Variants in SH3BGR observed in about 807,000 individuals in gnomAD.
SH3BGR encodes the protein SH3 domain binding glutamate rich protein.
In SH3BGR, 29 loss-of-function variants were observed where a neutral mutation model predicts 24.5. The observed-to-expected ratio is 1.18, with a 90% CI of 0.88 to 1.61. The LOEUF (loss-of-function observed/expected upper bound fraction) is 1.61, where lower values mean the gene tolerates loss of function less well. Among genes scored for constraint, SH3BGR ranks in the 40% most tolerant of loss-of-function variants. The pLI, the probability that SH3BGR is intolerant of heterozygous loss-of-function variation, is 0.00. For missense variants in SH3BGR, 162 were observed against 205.8 expected, an observed-to-expected ratio of 0.79 and a Z score of 1.30; for synonymous variants, 55 against 65.7, an observed-to-expected ratio of 0.84 and a Z score of 0.79.
chr21:39,501,471 C>A (rs962486012), intron 4 of SH3BGR, among the ~76,000 whole-genome samples: 7 of 152,112 alleles, frequency 4.6e-5, no homozygotes, highest in African/African-American at 9.7e-5. Context: ...ATTAAAAAAA[C>A]CATTTTTTGT....
intron 1 of SH3BGR, among the ~76,000 whole-genome samples, chr21:39,461,135 A>ATTTTT (rs56088801): frequency 1.6e-5 from 2 of 127,024 alleles, no homozygotes; most frequent in Non-Finnish European, 1.7e-5. Flanking sequence ...AGTTTTGTAG[A>ATTTTT]TTTTTTTTTT....
At chr21:39,478,498 G>C (rs1722873) in intron 3 of SH3BGR, among the ~76,000 whole-genome samples, 134,753 of 152,280 alleles carry the variant, frequency 0.88, 59,651 homozygotes, top group Non-Finnish European at 0.89. Context: ...TGAGGTAGCT[G>C]GTAGAGGTCT....
At chr21:39,483,616 T>G (rs1325572653) in intron 3 of SH3BGR, among the ~76,000 whole-genome samples, 1 of 152,206 alleles carries the variant, frequency 6.6e-6, no homozygotes, top group African/African-American at 2.4e-5. Flanking sequence ...ATTTTTAACG[T>G]TTTCCCAGCT....
intron 4 of SH3BGR, among the ~76,000 whole-genome samples, chr21:39,507,555 A>G (rs2078604358): frequency 6.6e-6 from 1 of 151,814 alleles, no homozygotes. Context: ...CTGGTCTCAA[A>G]CTCCTGATCT....
At chr21:39,472,032 C>T (rs991670310) in intron 2 of SH3BGR, among the ~76,000 whole-genome samples, 2 of 152,078 alleles carry the variant, frequency 1.3e-5, no homozygotes. Context: ...TTTAATTCCA[C>T]CTTCTGTTAT....
upstream of SH3BGR, chr21:39,451,929 G>A (rs900427215): frequency 1.2e-6 from 2 of 1,614,158 alleles, no homozygotes; most frequent in Non-Finnish European, 1.7e-6. Flanking sequence ...GCTCCTTGGA[G>A]AGACAGAGCC....
At chr21:39,471,188 G>A (rs942810568) in intron 2 of SH3BGR, among the ~76,000 whole-genome samples, 32 of 151,226 alleles carry the variant, frequency 2.1e-4, no homozygotes, top group African/African-American at 6.6e-4. Context: ...ATTTCTCTAC[G>A]ATGTGTCTAG....
chr21:39,453,563 T>A (rs889369713), intron 1 of SH3BGR, among the ~76,000 whole-genome samples: 1 of 152,220 alleles, frequency 6.6e-6, no homozygotes, highest in African/African-American at 2.4e-5. Context: ...AATGGATTTT[T>A]AAGGTTTATT....
intron 3 of SH3BGR, among the ~76,000 whole-genome samples, chr21:39,481,606 A>G (rs1200830963): frequency 1.3e-5 from 2 of 152,194 alleles, no homozygotes; most frequent in African/African-American, 4.8e-5. Flanking sequence ...GCTTAAGTCT[A>G]TTAAAATTAA....
rs745404802 is a variant in SH3BGR, at chr21:39,509,006, A to G, written c.414A>G (p.Glu138=). ...TGATTTATGGATGTAAGGAAGAAGA[A>G]GGAGAGACAGCCACAGAAGAGGTAC... is the stretch of plus-strand genomic sequence containing the variant. The part of the protein sequence containing the change: ...LPEAQEKNEE[E]GETATEETEE... The change falls in exon 5 of 7, where the codon GAA becomes GAG. Residue 138 remains glutamate, a synonymous_variant. Transcript: ENST00000333634. The G allele has an allele frequency of 1.6e-5, 26 of 1,609,336 alleles. No homozygotes were observed. Among genetic ancestry groups the G allele is most frequent in the Non-Finnish European group, 2.0e-5 (24 of 1,177,172 alleles).
intron 3 of SH3BGR, 152 bp from the exon 4 acceptor site, chr21:39,499,671 C>G (rs959169103): frequency 4.4e-5 from 25 of 564,758 alleles, no homozygotes; most frequent in South Asian, 1.6e-4. Flanking sequence ...ATCCTATGCT[C>G]TAGTCGCTAA....
chr21:39,492,937 A>G (rs573325713), intron 3 of SH3BGR, among the ~76,000 whole-genome samples: 10 of 152,194 alleles, frequency 6.6e-5, no homozygotes, highest in Admixed American at 4.6e-4. Flanking sequence ...AGAATTGTCT[A>G]TTCATGTCCT....
intron 5 of SH3BGR, among the ~76,000 whole-genome samples, chr21:39,510,400 C>T (rs937845379): frequency 2.1e-5 from 1 of 48,708 alleles, no homozygotes; most frequent in Non-Finnish European, 5.0e-5. Flanking sequence ...ACTGTAGCTA[C>T]ACACACACAC....
At chr21:39,480,592 C>T (rs1293499402) in intron 3 of SH3BGR, among the ~76,000 whole-genome samples, 2 of 152,220 alleles carry the variant, frequency 1.3e-5, no homozygotes, top group African/African-American at 4.8e-5. Flanking sequence ...CACATCCATT[C>T]CTCAGTGGCT....
chr21:39,480,893 A>G lies in SH3BGR; in HGVS notation c.312+5678A>G, dbSNP rs563545234. Among the ~76,000 whole-genome samples, 6 of 152,314 alleles carry G rather than the reference A, an allele frequency of 3.9e-5. No individual in the cohort carries two copies. In the South Asian group the frequency reaches 1.0e-3, roughly 26 times the overall value. On this transcript the variant is annotated intron_variant, in intron 3 of 6. Coordinates refer to ENST00000333634, the MANE Select transcript of SH3BGR (RefSeq NM_007341.3). The stretch of plus-strand genomic sequence containing the variant: ...CTGGAGACTCATTTAACTAATATTC[A>G]TGTATATGCTTCTCCAGAATGAATG...
chr21:39,470,405 C>T (rs1377039837), intron 2 of SH3BGR, among the ~76,000 whole-genome samples: 7 of 151,954 alleles, frequency 4.6e-5, no homozygotes, highest in Admixed American at 6.6e-5. Flanking sequence ...ATTACAGGCA[C>T]GCACCACCAT....
At chr21:39,502,594 C>T (rs2078514013) in intron 4 of SH3BGR, among the ~76,000 whole-genome samples, 1 of 152,218 alleles carries the variant, frequency 6.6e-6, no homozygotes, top group Non-Finnish European at 1.5e-5. Flanking sequence ...CCTCTATCTG[C>T]TCCATGTGCC....
chr21:39,461,752 G>A (rs892354896), intron 1 of SH3BGR, among the ~76,000 whole-genome samples: 43 of 152,246 alleles, frequency 2.8e-4, no homozygotes, highest in African/African-American at 9.6e-4. Flanking sequence ...TATGTACTAA[G>A]CTAGGTTGCA....
chr21:39,453,837 G>A (rs1269181429), intron 1 of SH3BGR, among the ~76,000 whole-genome samples: 4 of 152,206 alleles, frequency 2.6e-5, no homozygotes, highest in African/African-American at 9.7e-5. Context: ...GTGCGTGGGT[G>A]CCCCGCATGG....
Sources: allele counts gnomAD v4.1 joint callset (sites outside exome capture counted in the v4.1 genomes callset), GRCh38; gene constraint gnomAD v4.1.1; transcripts MANE v1.5; gene names NCBI Gene and HGNC (gene_info 2026-07-23, HGNC 2026-07-21).